Variants in BPIFB3 observed in about 807,000 individuals in gnomAD.
BPIFB3 encodes BPI fold containing family B member 3.
BPIFB3 carries 49 observed loss-of-function variants against 53.1 expected under a neutral mutation model. That is an observed-to-expected ratio of 0.92 (90% CI 0.73 to 1.17). BPIFB3 has a LOEUF of 1.17. BPIFB3 is among the 50% of genes most tolerant of loss of function. BPIFB3 has a pLI of 0.00. For synonymous variants in BPIFB3, 271 were observed against 269.6 expected, an observed-to-expected ratio of 1.01 and a Z score of -0.05; for missense variants, 628 against 592.5, an observed-to-expected ratio of 1.06 and a Z score of -0.62.
intron 5 of BPIFB3, among the ~76,000 whole-genome samples, chr20:33,063,197 C>T (rs540783170): frequency 1.3e-5 from 2 of 152,198 alleles, no homozygotes; most frequent in African/African-American, 2.4e-5. Context: ...AGAGGAGGTG[C>T]CCCTCTGTGG....
exon 9 of BPIFB3, chr20:33,066,830 A>G (rs763601079): frequency 3.1e-6 from 5 of 1,614,156 alleles, no homozygotes; most frequent in Admixed American, 1.7e-5. Flanking sequence ...CCAGGTTCCC[A>G]GCGATGTCCC....
At chr20:33,064,140 G>T (rs1980566442) in intron 6 of BPIFB3, among the ~76,000 whole-genome samples, 2 of 152,198 alleles carry the variant, frequency 1.3e-5, no homozygotes, top group South Asian at 4.1e-4. Context: ...ACCAGGAAAA[G>T]AATAGAAAAC....
intron 2 of BPIFB3, among the ~76,000 whole-genome samples, chr20:33,058,254 G>A (rs1980301549): frequency 6.6e-6 from 1 of 152,210 alleles, no homozygotes; most frequent in Non-Finnish European, 1.5e-5. Context: ...GCTGATGGGT[G>A]TTCACTTCCC....
chr20:33,064,790 C>T (rs2093066), exon 8 of BPIFB3: 221,820 of 1,613,842 alleles, frequency 0.14, 16,593 homozygotes, highest in African/African-American at 0.22. Context: ...TTCAACACCA[C>T]GTTTGGACTC....
At chr20:33,066,515 A>T (rs560425467) in intron 8 of BPIFB3, among the ~76,000 whole-genome samples, 2 of 152,284 alleles carry the variant, frequency 1.3e-5, no homozygotes, top group African/African-American at 4.8e-5. Context: ...ACCACTTACC[A>T]ATTGTGTGAC....
intron 12 of BPIFB3, among the ~76,000 whole-genome samples, chr20:33,071,897 C>T (rs1980913281): frequency 6.6e-6 from 1 of 152,200 alleles, no homozygotes; most frequent in African/African-American, 2.4e-5. Flanking sequence ...TAAAGCCAGC[C>T]TAAATCACAG....
chr20:33,073,557 G>A lies in BPIFB3; in HGVS notation c.1402-19G>A. On this transcript the variant is annotated intron_variant, in intron 14 of 14. Coordinates refer to ENST00000375494, the Ensembl canonical transcript of BPIFB3. ...TGCAGAGACTCAGGGGTGTAACCAA[G>A]AGCGGTTGTTCCTTACAGAATGCTG... 6.2e-7 allele frequency: 1 copy of A among 1,613,908 alleles called. No individual in the cohort carries two copies. The highest frequency in any genetic ancestry group is 8.5e-7 in the Non-Finnish European group (1 of 1,179,888).
chr20:33,071,101 A>G, intron 11 of BPIFB3, 152 bp from the exon 13 acceptor site: 1 of 822,002 alleles, frequency 1.2e-6, no homozygotes, highest in Non-Finnish European at 1.8e-6. Context: ...CAGGTAGGAA[A>G]ACTGAGTCTC....
At chr20:33,055,381 CAGG>C (rs1980146259), upstream of BPIFB3, 5 of 1,604,852 alleles carry the variant, frequency 3.1e-6, no homozygotes, top group Non-Finnish European at 4.3e-6. Context: ...AAGGCTTGAG[CAGG>C]AGAAGGGTCT....
At chr20:33,064,530 C>T in exon 7 of BPIFB3, 1 of 1,614,096 alleles carries the variant, frequency 6.2e-7, no homozygotes, top group Non-Finnish European at 8.5e-7. Flanking sequence ...CCAACCAGTA[C>T]ATAGAACTGG....
At chr20:33,059,782 G>T in intron 3 of BPIFB3, 109 bp from the exon 5 acceptor site, 1 of 1,451,802 alleles carries the variant, frequency 6.9e-7, no homozygotes. Flanking sequence ...GGGAGGCAGA[G>T]GCTGAGAAGG....
intron 1 of BPIFB3, among the ~76,000 whole-genome samples, chr20:33,056,235 C>T (rs1399306001): frequency 6.6e-6 from 1 of 152,212 alleles, no homozygotes; most frequent in Non-Finnish European, 1.5e-5. Flanking sequence ...GGACACGTCT[C>T]TGCCCCTCTC....
chr20:33,071,441 A>G (rs1980887503), intron 12 of BPIFB3, 146 bp downstream of exon 13: 1 of 915,968 alleles, frequency 1.1e-6, no homozygotes, highest in South Asian at 1.7e-5. Flanking sequence ...GTGGGCAAAT[A>G]TCAGGGCGGG....
At chr20:33,070,588 G>A (rs978799666) in intron 11 of BPIFB3, among the ~76,000 whole-genome samples, 5 of 152,200 alleles carry the variant, frequency 3.3e-5, no homozygotes, top group South Asian at 2.1e-4. Flanking sequence ...GCAGGGCCCC[G>A]GCCTGTCTGT....
At position 33,057,186 on chromosome 20, in the gene BPIFB3, C is replaced by CT. The variant is rs552277740; in HGVS notation, c.281+496dup. ...AGGGACACAGTGTATGCTCAAAAAG[C>CT]TTTTTTTTCCCTTTTTTTTTGAGAC... On this transcript the variant is annotated intron_variant, in intron 2 of 14. Transcript: ENST00000375494. Among the ~76,000 whole-genome samples the CT allele has an allele frequency of 1.2e-3, 183 of 151,064 alleles. 1 individual carries two copies. The highest frequency in any genetic ancestry group is 4.3e-3 in the African/African-American group (175 of 40,682).
intron 4 of BPIFB3, 35 bp from the exon 6 acceptor site, chr20:33,061,733 G>T: frequency 6.2e-7 from 1 of 1,608,358 alleles, no homozygotes; most frequent in Admixed American, 1.7e-5. Context: ...CCGTCCACCT[G>T]GCAGCCGCAC....
Position 33,064,608 on chromosome 20 carries a change from C to T in BPIFB3, c.745-58C>T, listed in dbSNP as rs563752659. ...GGTGGCTAGATAGGGGATGCCGGAT[C>T]AAGGCAGGTGGGTGAGCACCTTAAG... On this transcript the variant is annotated intron_variant, in intron 7 of 14. Coordinates refer to ENST00000375494, the Ensembl canonical transcript of BPIFB3. 3.8e-4 allele frequency: 608 copies of T among 1,612,854 alleles called. 1 individual carries two copies. The African/African-American group carries it at 7.3e-3, about 19-fold the overall frequency.
At position 33,072,146 on chromosome 20, in the gene BPIFB3, G is replaced by A. The variant is rs73262178; in HGVS notation, c.1303G>A (p.Val435Met). The A allele has an allele frequency of 9.5e-4, 1,541 of 1,614,224 alleles. 11 individuals are homozygous for A. In the African/African-American group the frequency reaches 0.017, roughly 18 times the overall value. Residue 435 changes from valine (V) to methionine (M), a missense_variant, in exon 13 of 15, where the codon GTG (valine) becomes ATG (methionine). By Grantham distance (21) the Val-to-Met change is conservative. Coordinates refer to ENST00000375494, the Ensembl canonical transcript of BPIFB3. Reference sequence around the variant, plus strand: ...ATGGCTCAGCCATGTGGTCGGGGCAGTGTATGCACCAAAGCTTAACGGTAT... The same window carrying A: ...ATGGCTCAGCCATGTGGTCGGGGCAATGTATGCACCAAAGCTTAACGGTAT...
At chr20:33,060,341 G>A (rs927300810) in intron 4 of BPIFB3, among the ~76,000 whole-genome samples, 28 of 152,142 alleles carry the variant, frequency 1.8e-4, no homozygotes, top group Non-Finnish European at 3.7e-4. Context: ...CTCCATTTGC[G>A]GGATTTCAGC....
Sources: gnomAD v4.1 joint callset for allele counts (sites outside exome capture counted in the v4.1 genomes callset) on GRCh38, gnomAD v4.1.1 for gene constraint, MANE v1.5 for transcripts, NCBI Gene and HGNC (gene_info 2026-07-23, HGNC 2026-07-21) for gene names.